ARAP2: variants seen among roughly 807,000 people sequenced by gnomAD.
The protein encoded by ARAP2 is ArfGAP with RhoGAP domain, ankyrin repeat and PH domain 2, also known as arf-GAP with Rho-GAP domain, ANK repeat and PH domain-containing protein 2.
A neutral mutation model predicts 194.5 loss-of-function variants in ARAP2; 148 were observed. The observed-to-expected ratio is 0.76, with a 90% CI of 0.67 to 0.87. The LOEUF (loss-of-function observed/expected upper bound fraction) is 0.87. Among genes scored for constraint, ARAP2 ranks in the 40% least tolerant of loss-of-function variants. ARAP2 has a pLI of 0.00. For synonymous variants in ARAP2, 695 were observed against 683.5 expected (o/e 1.02, Z -0.26); for missense variants, 2,128 against 1,989.7 (o/e 1.07, Z -1.32).
At chr4:36,162,316 A>G (rs938283784) in intron 11 of ARAP2, among the ~76,000 whole-genome samples, 6 of 152,188 alleles carry the variant, frequency 3.9e-5, no homozygotes, top group Non-Finnish European at 7.3e-5. Flanking sequence ...TGACTATTGA[A>G]AAACTAGTTA....
intron 27 of ARAP2, among the ~76,000 whole-genome samples, chr4:36,099,388 T>C (rs545160185): frequency 9.2e-5 from 14 of 152,260 alleles, no homozygotes; most frequent in Middle Eastern, 3.4e-3. Context: ...TTGAAGGGCA[T>C]GGGCCTTATC....
At chr4:36,185,181 C>A (rs1740239441) in intron 8 of ARAP2, among the ~76,000 whole-genome samples, 1 of 152,190 alleles carries the variant, frequency 6.6e-6, no homozygotes, top group Non-Finnish European at 1.5e-5. Flanking sequence ...CCAAAACAGG[C>A]ACTGAGCCAG....
At chr4:36,007,282 C>T (rs1248983257) in intron 9 of ARAP2, among the ~76,000 whole-genome samples, 3 of 151,938 alleles carry the variant, frequency 2.0e-5, no homozygotes, top group Admixed American at 6.6e-5. Flanking sequence ...AGTAAAGTAA[C>T]TTGAAATTAT....
intron 25 of ARAP2, among the ~76,000 whole-genome samples, chr4:36,116,762 C>T (rs1445540179): frequency 6.6e-6 from 1 of 151,678 alleles, no homozygotes; most frequent in African/African-American, 2.4e-5. Context: ...AGGCTCAGAG[C>T]AAATAACTTG....
At chr4:36,240,114 A>G (rs531829976) in intron 1 of ARAP2, among the ~76,000 whole-genome samples, 1 of 152,286 alleles carries the variant, frequency 6.6e-6, no homozygotes, top group South Asian at 2.1e-4. Flanking sequence ...TATACCCTAT[A>G]TCGTATAGTA....
Position 36,229,002 on chromosome 4 carries a change from T to C in ARAP2, c.485A>G (p.Asn162Ser), listed in dbSNP as rs752669589. Residue 162 changes from asparagine to serine, a missense_variant, in exon 2 of 33, where the codon AAT (asparagine) becomes AGT (serine). Coordinates refer to ENST00000303965, the MANE Select transcript of ARAP2 (RefSeq NM_015230.4). ...DFPTAEEPHL[N>S]LGSLNDSLFG... The stretch of plus-strand genomic sequence containing the variant: ...TAAAGAATCATTCAAAGAACCCAAA[T>C]TCAGGTGTGGTTCCTCTGCAGTGGG... The C allele has an allele frequency of 4.3e-6, 7 of 1,614,120 alleles. No homozygotes were observed. The South Asian group carries it at 7.7e-5, about 18-fold the overall frequency.
chr4:36,142,326 T>A (rs1728542569), intron 19 of ARAP2, among the ~76,000 whole-genome samples: 1 of 151,674 alleles, frequency 6.6e-6, no homozygotes, highest in Non-Finnish European at 1.5e-5. Flanking sequence ...CTGTTTCTTT[T>A]CCATCAAAAT....
intron 32 of ARAP2, among the ~76,000 whole-genome samples, chr4:36,071,933 G>A (rs1485010003): frequency 2.7e-5 from 4 of 150,118 alleles, no homozygotes; most frequent in Admixed American, 1.3e-4. Flanking sequence ...TCCCACCTAT[G>A]AGTGAGAATA....
intron 5 of ARAP2, among the ~76,000 whole-genome samples, chr4:36,028,744 G>C (rs1002115959): frequency 6.6e-6 from 1 of 151,334 alleles, no homozygotes; most frequent in Non-Finnish European, 1.5e-5. Context: ...TACTAATTTT[G>C]AAATTTGGAC....
intron 11 of ARAP2, among the ~76,000 whole-genome samples, chr4:36,164,494 G>A (rs977040543): frequency 1.3e-5 from 2 of 152,134 alleles, no homozygotes; most frequent in East Asian, 1.9e-4. Flanking sequence ...TATTTTAAGA[G>A]GTACCAGATC....
At chr4:36,159,682 G>A in intron 13 of ARAP2, 177 bp from the exon 14 acceptor site, 1 of 491,416 alleles carries the variant, frequency 2.0e-6, no homozygotes, top group Non-Finnish European at 3.2e-6. Context: ...CCTGGTTTAT[G>A]TGAATTTAAA....
In ARAP2 at chr4:36,178,021, G is replaced by A. The variant is rs369279619; in HGVS notation, c.1679-16C>T. The A allele has an allele frequency of 1.0e-4, 160 of 1,570,454 alleles. No individual in the cohort carries two copies. Among genetic ancestry groups the A allele is most frequent in the Middle Eastern group, 1.7e-4 (1 of 5,886 alleles). On this transcript the variant is annotated splice_polypyrimidine_tract_variant and intron_variant, in intron 8 of 32. Transcript: ENST00000303965. ...TTTCTCTCCTCTGAAAATGAAGACA[G>A]GAGAAAATACATAAATCCACATATA...
At chr4:36,189,367 A>T (rs1741344863) in intron 7 of ARAP2, among the ~76,000 whole-genome samples, 1 of 152,168 alleles carries the variant, frequency 6.6e-6, no homozygotes, top group South Asian at 2.1e-4. Flanking sequence ...AAGAGGTAAC[A>T]AGCATGTCCA....
intron 6 of ARAP2, among the ~76,000 whole-genome samples, chr4:36,202,179 T>C (rs1213133169): frequency 6.6e-6 from 1 of 152,208 alleles, no homozygotes; most frequent in Non-Finnish European, 1.5e-5. Context: ...GTATTTATTT[T>C]TATTTATCTA....
At chr4:36,077,820 A>C (rs934882403) in intron 31 of ARAP2, among the ~76,000 whole-genome samples, 2 of 152,100 alleles carry the variant, frequency 1.3e-5, no homozygotes, top group Non-Finnish European at 1.5e-5. Context: ...TCTTACCTTC[A>C]TGATGTTTAT....
chr4:36,049,730 A>G (rs7660645), intron 3 of ARAP2, among the ~76,000 whole-genome samples: 123,653 of 152,022 alleles, frequency 0.81, 51,133 homozygotes, highest in Middle Eastern at 0.92. Flanking sequence ...GTTAAAGAAA[A>G]CTAAAAGGAA....
intron 27 of ARAP2, among the ~76,000 whole-genome samples, chr4:36,093,176 G>T (rs988276496): frequency 5.3e-5 from 8 of 151,924 alleles, no homozygotes; most frequent in African/African-American, 1.9e-4. Flanking sequence ...GACACATAGA[G>T]GGGAACAACA....
chr4:36,111,103 T>C (rs564004592), intron 26 of ARAP2, among the ~76,000 whole-genome samples: 1 of 152,116 alleles, frequency 6.6e-6, no homozygotes, highest in Non-Finnish European at 1.5e-5. Flanking sequence ...AATATACAGA[T>C]ACTTAAAATC....
At chr4:36,145,099 G>C (rs533141396) in intron 19 of ARAP2, among the ~76,000 whole-genome samples, 1 of 151,654 alleles carries the variant, frequency 6.6e-6, no homozygotes, top group Admixed American at 6.6e-5. Flanking sequence ...CCAATTTGTT[G>C]AAGAAGAAAG....
Sources: gnomAD v4.1 joint callset for allele counts (sites outside exome capture counted in the v4.1 genomes callset) on GRCh38, gnomAD v4.1.1 for gene constraint, MANE v1.5 for transcripts, NCBI Gene and HGNC (gene_info 2026-07-23, HGNC 2026-07-21) for gene names.